ARHGAP39: variants seen among roughly 807,000 people sequenced by gnomAD.
ARHGAP39 encodes Rho GTPase activating protein 39, also known as rho GTPase-activating protein 39.
A neutral mutation model predicts 106.9 loss-of-function variants in ARHGAP39; 44 were observed. The observed-to-expected ratio is 0.41, with a 90% CI of 0.32 to 0.53. The LOEUF (loss-of-function observed/expected upper bound fraction) is 0.53. Among genes scored for constraint, ARHGAP39 ranks in the 20% least tolerant of loss-of-function variants. ARHGAP39 has a pLI of 0.21. For missense variants in ARHGAP39, 1,496 were observed against 1,577.3 expected, an observed-to-expected ratio of 0.95 and a Z score of 0.87; for synonymous variants, 768 against 693.2, an observed-to-expected ratio of 1.11 and a Z score of -1.69.
intron 2 of ARHGAP39, among the ~76,000 whole-genome samples, chr8:144,599,900 G>C (rs1393961020): frequency 6.6e-6 from 1 of 152,198 alleles, no homozygotes; most frequent in Non-Finnish European, 1.5e-5. Context: ...AGATGAGCAA[G>C]TGAGTAAACA....
chr8:144,573,612 A>T (rs945876354), intron 3 of ARHGAP39, among the ~76,000 whole-genome samples: 1 of 152,246 alleles, frequency 6.6e-6, no homozygotes, highest in African/African-American at 2.4e-5. Flanking sequence ...AAATAAAAAT[A>T]AAAAAAGGAT....
chr8:144,579,201 C>CAAAAAAAAAA (rs541332282), intron 3 of ARHGAP39, among the ~76,000 whole-genome samples: 8 of 39,902 alleles, frequency 2.0e-4, no homozygotes, highest in African/African-American at 5.9e-4. Flanking sequence ...GACTCTGTCT[C>CAAAAAAAAAA]AAAAAAAAAA....
Position 144,530,797 on chromosome 8 carries a change from C to T in ARHGAP39, c.3055G>A (p.Ala1019Thr), listed in dbSNP as rs375032023. 1.9e-6 allele frequency: 3 copies of T among 1,611,956 alleles called. No homozygotes were observed. The highest frequency in any genetic ancestry group is 2.5e-6 in the Non-Finnish European group (3 of 1,179,720). Residue 1019 changes from alanine to threonine, a missense_variant, in exon 11 of 12, where the codon GCG (alanine) becomes ACG (threonine). By Grantham distance (58) the Ala-to-Thr change is moderately conservative (BLOSUM62 0). Around this residue, in one of 4 missense-constraint regions of ARHGAP39, gnomAD observed 470 missense variants for 605.1 expected, o/e 0.78. Transcript: ENST00000377307. ...IPHEFYEQCIAHYDSPEAAVA... is the reference protein window; with the variant it reads ...IPHEFYEQCITHYDSPEAAVA... ...GCCGCCTCGGGGCTGTCGTAGTGCG[C>T]GATGCACTGCTCGTAGAACTCGTGC...
At chr8:144,590,374 G>T (rs1819345715) in intron 2 of ARHGAP39, among the ~76,000 whole-genome samples, 1 of 152,230 alleles carries the variant, frequency 6.6e-6, no homozygotes, top group African/African-American at 2.4e-5. Context: ...GGAGGTGCCT[G>T]GGTCGGGGCA....
chr8:144,601,743 G>A (rs544878515), intron 2 of ARHGAP39, among the ~76,000 whole-genome samples: 46 of 147,870 alleles, frequency 3.1e-4, no homozygotes, highest in African/African-American at 1.1e-3. Flanking sequence ...GTGCGTGGAG[G>A]CGTGTGTGCT....
intron 3 of ARHGAP39, among the ~76,000 whole-genome samples, chr8:144,578,852 A>G (rs1351169175): frequency 2.6e-5 from 4 of 151,498 alleles, no homozygotes; most frequent in Admixed American, 2.6e-4. Flanking sequence ...TCAAAAACAA[A>G]CAAACAAACA....
intron 1 of ARHGAP39, among the ~76,000 whole-genome samples, chr8:144,655,016 G>C (rs1821661468): frequency 6.6e-6 from 1 of 152,212 alleles, no homozygotes; most frequent in Non-Finnish European, 1.5e-5. Flanking sequence ...AGACTCAGAA[G>C]TGCTCAGTCC....
At chr8:144,595,333 C>T (rs999875553) in intron 2 of ARHGAP39, among the ~76,000 whole-genome samples, 5 of 152,148 alleles carry the variant, frequency 3.3e-5, no homozygotes, top group African/African-American at 1.2e-4. Flanking sequence ...AGCGAAGGAC[C>T]ACTCGTATGA....
At chr8:144,614,191 C>T (rs1401863148) in intron 1 of ARHGAP39, among the ~76,000 whole-genome samples, 1 of 152,148 alleles carries the variant, frequency 6.6e-6, no homozygotes, top group African/African-American at 2.4e-5. Flanking sequence ...CTTTAATAAC[C>T]TGTCTGCTAA....
At chr8:144,562,259 CCATCGTGCTCCAGTGGT>C (rs1818209378) in intron 3 of ARHGAP39, among the ~76,000 whole-genome samples, 1 of 83,834 alleles carries the variant, frequency 1.2e-5, no homozygotes, top group Non-Finnish European at 3.1e-5. Flanking sequence ...CCAGTGGTTT[CCATCGTGCTCCAGTGGT>C]TTCCATCGTG....
chr8:144,600,812 CGTGT>C (rs201840878), intron 2 of ARHGAP39, among the ~76,000 whole-genome samples: 2 of 139,302 alleles, frequency 1.4e-5, no homozygotes, highest in Non-Finnish European at 3.1e-5. Context: ...CCTACCTGCG[CGTGT>C]GTGTGCGTGG....
At chr8:144,569,766 T>C (rs946763010) in intron 3 of ARHGAP39, among the ~76,000 whole-genome samples, 4 of 152,212 alleles carry the variant, frequency 2.6e-5, no homozygotes, top group African/African-American at 9.6e-5. Flanking sequence ...GCTTTAAATG[T>C]GTGTGGTTTA....
intron 1 of ARHGAP39, among the ~76,000 whole-genome samples, chr8:144,617,028 A>G (rs1312908728): frequency 1.3e-5 from 2 of 152,100 alleles, no homozygotes; most frequent in Non-Finnish European, 2.9e-5. Context: ...CCTGGCCAAC[A>G]TTTTTAGTCT....
At chr8:144,599,698 A>G (rs1819771479) in intron 2 of ARHGAP39, among the ~76,000 whole-genome samples, 1 of 152,250 alleles carries the variant, frequency 6.6e-6, no homozygotes, top group Admixed American at 6.5e-5. Flanking sequence ...GAACCAACGG[A>G]TGCCAGAACC....
chr8:144,561,984 C>CCCAGTGGTTTCCATCACACT (rs1564848986), intron 3 of ARHGAP39, among the ~76,000 whole-genome samples: 1 of 135,074 alleles, frequency 7.4e-6, no homozygotes, highest in African/African-American at 2.9e-5. Flanking sequence ...TCCATCGGAC[C>CCCAGTGGTTTCCATCACACT]CCAGTGGTTT....
At chr8:144,601,518 G>A (rs1819943934) in intron 2 of ARHGAP39, among the ~76,000 whole-genome samples, 1 of 143,554 alleles carries the variant, frequency 7.0e-6, no homozygotes, top group Admixed American at 7.0e-5. Context: ...GCATGTGTGT[G>A]CTCATGTACC....
rs139776939 is a variant in ARHGAP39 at position 144,545,264 on chromosome 8, C to T, written c.2506G>A (p.Val836Ile). Reference protein sequence around the residue: ...EGYIYRHMDPVNDTKVTQHIK... With the variant: ...EGYIYRHMDPINDTKVTQHIK... ...ATGGCCTTACCTTTAGTGTCATTGA[C>T]GGGGTCCATGTGCCGGTAGATGTAG... The change falls in exon 6 of 12, where the codon GTC (valine) becomes ATC (isoleucine). Residue 836 changes from valine (V) to isoleucine (I), a missense_variant. This residue lies in a region of ARHGAP39 where 470 missense variants were observed against 605.1 expected (regional missense o/e 0.78). Transcript: ENST00000377307. 2.1e-4 allele frequency: 327 copies of T among 1,544,442 alleles called. No homozygotes were observed. The African/African-American group carries it at 3.6e-3, about 17-fold the overall frequency.
intron 1 of ARHGAP39, among the ~76,000 whole-genome samples, chr8:144,631,270 C>T (rs1189010148): frequency 6.6e-6 from 1 of 152,246 alleles, no homozygotes. Flanking sequence ...AAATATCCAA[C>T]CATCCCACCA....
At chr8:144,675,966 CAGG>C (rs1194911650) in intron 1 of ARHGAP39, among the ~76,000 whole-genome samples, 2 of 152,066 alleles carry the variant, frequency 1.3e-5, no homozygotes, top group Non-Finnish European at 2.9e-5. Context: ...TTCCTCCCGT[CAGG>C]AGTTGTTCTT....
Sources: gnomAD v4.1 joint callset for allele counts (sites outside exome capture counted in the v4.1 genomes callset) on GRCh38, gnomAD v4.1.1 for gene constraint, gnomAD v4.1.1 regional missense constraint, MANE v1.5 for transcripts, NCBI Gene and HGNC (gene_info 2026-07-23, HGNC 2026-07-21) for gene names.